Variants in CTIF observed in about 807,000 individuals in gnomAD.
CTIF encodes cap binding complex dependent translation initiation factor.
In CTIF, 21 loss-of-function variants were observed where a neutral mutation model predicts 66.0. The observed-to-expected ratio is 0.32, with a 90% CI of 0.23 to 0.46. CTIF has a LOEUF of 0.46. Among genes scored for constraint, CTIF ranks in the 20% least tolerant of loss-of-function variants. The probability of loss-of-function intolerance (pLI) is 1.00; values close to 1 mark genes in which losing one functional copy is unlikely to be tolerated. For missense variants in CTIF, 739 were observed against 812.7 expected, an observed-to-expected ratio of 0.91 and a Z score of 1.10; for synonymous variants, 345 against 326.4, an observed-to-expected ratio of 1.06 and a Z score of -0.62.
intron 2 of CTIF, among the ~76,000 whole-genome samples, chr18:48,620,867 T>A (rs2090480219): frequency 6.6e-6 from 1 of 152,112 alleles, no homozygotes; most frequent in Non-Finnish European, 1.5e-5. Flanking sequence ...AACAAACTTT[T>A]GGCTTTGCTG....
chr18:48,692,539 A>G (rs2091945495), intron 6 of CTIF: 1 of 152,164 alleles, frequency 6.6e-6, no homozygotes, highest in Non-Finnish European at 1.5e-5. Flanking sequence ...TTCTCAGAAC[A>G]TGGTACCCTG....
At chr18:48,743,158 C>A (rs1214370667) in intron 7 of CTIF, among the ~76,000 whole-genome samples, 1 of 152,172 alleles carries the variant, frequency 6.6e-6, no homozygotes, top group South Asian at 2.1e-4. Flanking sequence ...GATCTGCAAG[C>A]CTCATTCATC....
rs529226863 is a variant in CTIF at position 48,557,547 on chromosome 18, G to A, written c.-29+18235G>A. Among the ~76,000 whole-genome samples, 8 of 152,312 alleles carry A rather than the reference G, an allele frequency of 5.3e-5. No homozygotes were observed. In the East Asian group the frequency reaches 1.5e-3, roughly 29 times the overall value. ...CTAGCAGCTGAAGAGAAGCAGAGCTGGAAACTTAAGAGAACCAATACCTCT... is the reference window on the plus strand; with the variant it reads ...CTAGCAGCTGAAGAGAAGCAGAGCTAGAAACTTAAGAGAACCAATACCTCT... On this transcript the variant is annotated intron_variant, in intron 1 of 11. Coordinates refer to ENST00000256413, the MANE Select transcript of CTIF (RefSeq NM_014772.3).
chr18:48,552,077 C>T (rs1424418999), intron 1 of CTIF, among the ~76,000 whole-genome samples: 4 of 152,244 alleles, frequency 2.6e-5, no homozygotes, highest in African/African-American at 9.6e-5. Flanking sequence ...GCTGGGATTA[C>T]AGGCGTGAGC....
chr18:48,772,780 A>T (rs116595065), intron 9 of CTIF, among the ~76,000 whole-genome samples: 4,448 of 152,246 alleles, frequency 0.029, 250 homozygotes, highest in African/African-American at 0.1. Context: ...ATTGTGATTC[A>T]TGCTGATAGG....
intron 2 of CTIF, among the ~76,000 whole-genome samples, chr18:48,633,701 C>CAATAAATA (rs59134064): frequency 0.14 from 21,104 of 145,766 alleles, 1,966 homozygotes; most frequent in African/African-American, 0.26. Flanking sequence ...GCCTCCATCT[C>CAATAAATA]AATAAATAAA....
At chr18:48,708,050 T>A (rs572561105) in intron 6 of CTIF, among the ~76,000 whole-genome samples, 13 of 152,336 alleles carry the variant, frequency 8.5e-5, no homozygotes, top group Middle Eastern at 3.4e-3. Context: ...GCTCAGAACT[T>A]CCTTCCTCTT....
At chr18:48,715,194 C>T (rs1180892952) in intron 7 of CTIF, among the ~76,000 whole-genome samples, 2 of 152,106 alleles carry the variant, frequency 1.3e-5, no homozygotes, top group African/African-American at 4.8e-5. Context: ...CCTGCAGACT[C>T]TGCTCCTGAT....
At chr18:48,706,675 G>T (rs1402938161) in intron 6 of CTIF, among the ~76,000 whole-genome samples, 1 of 152,120 alleles carries the variant, frequency 6.6e-6, no homozygotes, top group Non-Finnish European at 1.5e-5. Flanking sequence ...GCCTGCCCTG[G>T]AGTGGGCTGA....
intron 10 of CTIF, among the ~76,000 whole-genome samples, chr18:48,846,517 G>A (rs140694667): frequency 4.3e-4 from 65 of 151,370 alleles, no homozygotes; most frequent in Non-Finnish European, 4.7e-4. Flanking sequence ...ATGGATGGAT[G>A]GATGGATGGA....
intron 9 of CTIF, among the ~76,000 whole-genome samples, chr18:48,775,804 C>T (rs184146370): frequency 6.6e-6 from 1 of 152,116 alleles, no homozygotes; most frequent in Non-Finnish European, 1.5e-5. Context: ...GTGGCAGGAC[C>T]CTTTGAGGGA....
At chr18:48,615,778 C>T (rs1284426977) in intron 1 of CTIF, among the ~76,000 whole-genome samples, 3 of 152,172 alleles carry the variant, frequency 2.0e-5, no homozygotes, top group African/African-American at 4.8e-5. Flanking sequence ...CAGGAGACCC[C>T]GGGGCAGCTG....
In CTIF at chr18:48,730,476, T is replaced by C. The variant is rs1227889099; in HGVS notation, c.584+18781T>C. On this transcript the variant is annotated intron_variant, in intron 7 of 11. Transcript: ENST00000256413. The stretch of plus-strand genomic sequence containing the variant: ...AGGGGCTTCCGCGGTGTGAGGGGCT[T>C]CCGCGGTGTGAGGGGCTTCTGCGGT... 7.7e-4 allele frequency among the ~76,000 whole-genome samples: 73 copies of C among 94,282 alleles called. 3 individuals are homozygous for C. The highest frequency in any genetic ancestry group is 1.0e-3 in the African/African-American group (26 of 25,500). 61.9% of individuals were successfully genotyped at this position (94,282 alleles called of 152,430 possible).
At chr18:48,593,548 AT>A (rs1274090647) in intron 1 of CTIF, among the ~76,000 whole-genome samples, 2 of 151,128 alleles carry the variant, frequency 1.3e-5, no homozygotes, top group East Asian at 2.0e-4. Flanking sequence ...TGCCCGGCTA[AT>A]TTTTTTGTAT....
chr18:48,610,423 G>GCCCACCTGGATA (rs1202556975), intron 1 of CTIF, among the ~76,000 whole-genome samples: 4 of 133,346 alleles, frequency 3.0e-5, no homozygotes, highest in Non-Finnish European at 6.3e-5. Context: ...CCACCTGGAT[G>GCCCACCTGGATA]CCCACCTGGA....
chr18:48,664,388 C>T (rs1206984019), intron 4 of CTIF, 59 bp from the exon 5 acceptor site: 9 of 1,448,666 alleles, frequency 6.2e-6, no homozygotes, highest in South Asian at 4.6e-5. Flanking sequence ...CCCCTGGTTC[C>T]GTCAGTAACT....
At chr18:48,850,139 AT>A (rs1485134517) in intron 10 of CTIF, among the ~76,000 whole-genome samples, 1 of 152,050 alleles carries the variant, frequency 6.6e-6, no homozygotes, top group Non-Finnish European at 1.5e-5. Flanking sequence ...TGCCTGACTT[AT>A]TTCACTTAGC....
At chr18:48,619,932 C>T (rs890463448) in intron 2 of CTIF, among the ~76,000 whole-genome samples, 187 bp downstream of exon 2, 3 of 152,202 alleles carry the variant, frequency 2.0e-5, no homozygotes, top group Admixed American at 6.5e-5. Flanking sequence ...CCTGGCTGTG[C>T]ACCCCGTCCC....
At chr18:48,744,626 T>C (rs540166250) in intron 7 of CTIF, among the ~76,000 whole-genome samples, 1 of 152,358 alleles carries the variant, frequency 6.6e-6, no homozygotes, top group South Asian at 2.1e-4. Flanking sequence ...TTTCACAGTG[T>C]GTTTCTTTAA....
Sources: gnomAD v4.1 joint callset for allele counts (sites outside exome capture counted in the v4.1 genomes callset) on GRCh38, gnomAD v4.1.1 for gene constraint, MANE v1.5 for transcripts, NCBI Gene and HGNC (gene_info 2026-07-23, HGNC 2026-07-21) for gene names.